MAP2: variants seen among roughly 807,000 people sequenced by gnomAD.
The protein encoded by MAP2 is microtubule-associated protein 2.
Under a neutral mutation model 137.6 loss-of-function variants are expected in MAP2, and 14 were observed. The ratio of observed to expected loss-of-function variants is 0.10; its 90% CI spans 0.07 to 0.16. The LOEUF (loss-of-function observed/expected upper bound fraction) is 0.16, where lower values mean the gene tolerates loss of function less well. MAP2 is among the 10% of genes least tolerant of loss of function. The pLI, the probability that MAP2 is intolerant of heterozygous loss-of-function variation, is 1.00. For missense variants in MAP2, 2,088 were observed against 2,191.5 expected (o/e 0.95, Z 0.94); for synonymous variants, 786 against 782.3 (o/e 1.00, Z -0.08).
chr2:209,620,843 T>C (rs1283691189), intron 3 of MAP2, among the ~76,000 whole-genome samples: 1 of 152,150 alleles, frequency 6.6e-6, no homozygotes, highest in African/African-American at 2.4e-5. Flanking sequence ...TGTTGTTTAT[T>C]TGAGAATTGA....
At chr2:209,676,796 T>C (rs1483426780) in intron 5 of MAP2, among the ~76,000 whole-genome samples, 1 of 142,414 alleles carries the variant, frequency 7.0e-6, no homozygotes, top group Non-Finnish European at 1.5e-5. Flanking sequence ...CCATGATTGT[T>C]CCACCTCTTT....
At chr2:209,496,771 G>C (rs538229935) in intron 1 of MAP2, among the ~76,000 whole-genome samples, 1 of 152,090 alleles carries the variant, frequency 6.6e-6, no homozygotes, top group South Asian at 2.1e-4. Context: ...TCTTCATCCT[G>C]TGCCTTTCCT....
At chr2:209,565,483 G>A (rs2073188939) in intron 2 of MAP2, among the ~76,000 whole-genome samples, 1 of 152,054 alleles carries the variant, frequency 6.6e-6, no homozygotes, top group African/African-American at 2.4e-5. Context: ...GTCTCCCAAA[G>A]TGCTGGGATA....
chr2:209,730,131 G>A (rs1422296651), intron 15 of MAP2, 51 bp from the exon 16 acceptor site: 8 of 1,444,520 alleles, frequency 5.5e-6, no homozygotes, highest in Non-Finnish European at 7.8e-6. Context: ...AAAGAGGTAG[G>A]GGCCAGTTAA....
At chr2:209,622,516 T>C (rs1394227853) in intron 3 of MAP2, among the ~76,000 whole-genome samples, 1 of 152,226 alleles carries the variant, frequency 6.6e-6, no homozygotes, top group African/African-American at 2.4e-5. Flanking sequence ...TTAATATATA[T>C]GAAGTGCTTG....
chr2:209,482,237 TTCTA>T (rs1473354686), intron 1 of MAP2, among the ~76,000 whole-genome samples: 1 of 152,342 alleles, frequency 6.6e-6, no homozygotes, highest in East Asian at 1.9e-4. Flanking sequence ...TATGCTTGCT[TTCTA>T]TCTCATACAG....
chr2:209,639,348 A>G (rs2093824849), intron 4 of MAP2, among the ~76,000 whole-genome samples: 1 of 152,184 alleles, frequency 6.6e-6, no homozygotes, highest in Non-Finnish European at 1.5e-5. Flanking sequence ...AATTCATGAA[A>G]CAGTCTGTTA....
At chr2:209,553,621 A>G (rs1397612329) in intron 2 of MAP2, among the ~76,000 whole-genome samples, 3 of 152,224 alleles carry the variant, frequency 2.0e-5, no homozygotes, top group Non-Finnish European at 4.4e-5. Context: ...AGTTATTGGC[A>G]TAACTTCTCA....
chr2:209,622,092 G>C (rs2091342276), intron 3 of MAP2, among the ~76,000 whole-genome samples: 1 of 152,178 alleles, frequency 6.6e-6, no homozygotes, highest in Admixed American at 6.5e-5. Context: ...ATTCTCAACA[G>C]TGTTCATATC....
chr2:209,462,480 A>C (rs557925109), intron 1 of MAP2, among the ~76,000 whole-genome samples: 1 of 152,308 alleles, frequency 6.6e-6, no homozygotes, highest in Non-Finnish European at 1.5e-5. Flanking sequence ...TTTATAGGCA[A>C]CCTTTTCAGG....
chr2:209,524,365 A>T (rs990516156), intron 2 of MAP2, among the ~76,000 whole-genome samples: 1 of 151,700 alleles, frequency 6.6e-6, no homozygotes, highest in Non-Finnish European at 1.5e-5. Context: ...ATCCAGAGTC[A>T]GGGAGAGTTT....
intron 4 of MAP2, among the ~76,000 whole-genome samples, chr2:209,630,069 T>C (rs919668147): frequency 1.3e-5 from 2 of 152,184 alleles, no homozygotes; most frequent in Admixed American, 1.3e-4. Flanking sequence ...CTTTTTCTAA[T>C]GCTTAGAATT....
At chr2:209,681,428 A>T (rs1347591050) in intron 7 of MAP2, among the ~76,000 whole-genome samples, 1 of 152,160 alleles carries the variant, frequency 6.6e-6, no homozygotes, top group Admixed American at 6.6e-5. Context: ...TTGTCCATGG[A>T]TCTTTTTATG....
chr2:209,523,047 G>A (rs899668702), intron 2 of MAP2, among the ~76,000 whole-genome samples: 9 of 152,152 alleles, frequency 5.9e-5, no homozygotes, highest in Non-Finnish European at 4.4e-5. Context: ...GCTTAAATTA[G>A]TTAAGTCAGT....
At chr2:209,672,642 T>C (rs2049343008) in intron 5 of MAP2, among the ~76,000 whole-genome samples, 1 of 151,844 alleles carries the variant, frequency 6.6e-6, no homozygotes, top group Non-Finnish European at 1.5e-5. Flanking sequence ...AAAATACTGA[T>C]GTAAATCATA....
intron 1 of MAP2, among the ~76,000 whole-genome samples, chr2:209,454,711 C>G (rs1559182549): frequency 6.6e-6 from 1 of 152,216 alleles, no homozygotes; most frequent in East Asian, 1.9e-4. Context: ...AATACATAAT[C>G]ATATGTAGTT....
At position 209,694,193 on chromosome 2, in the gene MAP2, A is replaced by C; in HGVS notation, c.2023A>C (p.Ser675Arg). 3 of 1,614,156 alleles carry C rather than the reference A, an allele frequency of 1.9e-6. No individual in the cohort carries two copies. The highest frequency in any genetic ancestry group is 2.5e-6 in the Non-Finnish European group (3 of 1,179,996). The part of the protein sequence containing the change: ...KVYGEKRDLH[S>R]KNKDDLTLSR... ...GTATGGAGAGAAAAGGGACCTCCAC[A>C]GTAAGAATAAGGATGATTTGACCCT... Residue 675 changes from serine to arginine, a missense_variant, in exon 8 of 16, where the codon AGT (serine) becomes CGT (arginine). Around this residue, in one of 6 missense-constraint regions of MAP2, gnomAD observed 859 missense variants for 794.5 expected, o/e 1.08. Transcript: ENST00000682079.
chr2:209,656,108 A>G (rs1056917140), intron 5 of MAP2, among the ~76,000 whole-genome samples: 14 of 152,122 alleles, frequency 9.2e-5, no homozygotes, highest in African/African-American at 1.4e-4. Flanking sequence ...TTCAATGTTC[A>G]TCTTTATTAT....
chr2:209,524,264 CT>C (rs2063700052), intron 2 of MAP2, among the ~76,000 whole-genome samples: 1 of 152,026 alleles, frequency 6.6e-6, no homozygotes, highest in South Asian at 2.1e-4. Context: ...TTATTTGTAT[CT>C]AATTTTAGAA....
Sources: gnomAD v4.1 joint callset for allele counts (sites outside exome capture counted in the v4.1 genomes callset) on GRCh38, gnomAD v4.1.1 for gene constraint, gnomAD v4.1.1 regional missense constraint, MANE v1.5 for transcripts, NCBI Gene and HGNC (gene_info 2026-07-23, HGNC 2026-07-21) for gene names.